The following B3GALT1 variants were observed in gnomAD, a reference collection of about 807,000 sequenced individuals.
B3GALT1 encodes UDP-Gal:betaGlcNAc beta 1,3-galactosyltransferase, polypeptide 1.
B3GALT1 carries 10 observed loss-of-function variants against 23.2 expected under a neutral mutation model. The observed-to-expected ratio is 0.43, with a 90% CI of 0.27 to 0.73. The LOEUF (loss-of-function observed/expected upper bound fraction) is 0.73, where lower values mean the gene tolerates loss of function less well. Ranked by LOEUF, B3GALT1 falls within the 30% of genes least tolerant of loss-of-function variation. The probability of loss-of-function intolerance (pLI) is 0.21; values close to 1 mark genes in which losing one functional copy is unlikely to be tolerated. For synonymous variants in B3GALT1, 156 were observed against 141.5 expected (o/e 1.10, Z -0.73); for missense variants, 299 against 405.4 (o/e 0.74, Z 2.25).
chr2:167,814,329 T>C (rs1688947979), intron 3 of B3GALT1, among the ~76,000 whole-genome samples: 1 of 152,162 alleles, frequency 6.6e-6, no homozygotes, highest in Non-Finnish European at 1.5e-5. Context: ...AAATCACTGA[T>C]AGCATGGCAG....
chr2:167,861,324 G>A (rs1206596311), intron 4 of B3GALT1, among the ~76,000 whole-genome samples: 2 of 152,078 alleles, frequency 1.3e-5, no homozygotes, highest in Non-Finnish European at 2.9e-5. Flanking sequence ...GTGTTTATTG[G>A]GATGTAACCC....
chr2:167,693,150 C>T (rs962478696), intron 3 of B3GALT1, among the ~76,000 whole-genome samples: 7 of 151,460 alleles, frequency 4.6e-5, no homozygotes, highest in East Asian at 3.9e-4. Context: ...CCCAAGGTCC[C>T]GGTGCAATAC....
At chr2:167,603,305 A>C (rs1301382472) in intron 2 of B3GALT1, among the ~76,000 whole-genome samples, 2 of 152,202 alleles carry the variant, frequency 1.3e-5, no homozygotes, top group Non-Finnish European at 2.9e-5. Flanking sequence ...CGCAAGAGTC[A>C]GAAGATACAG....
At chr2:167,547,207 A>G (rs1445876827) in intron 2 of B3GALT1, among the ~76,000 whole-genome samples, 1 of 152,194 alleles carries the variant, frequency 6.6e-6, no homozygotes, top group Non-Finnish European at 1.5e-5. Flanking sequence ...GAGCAGCCAC[A>G]TGTTTCAACA....
chr2:167,646,378 C>T (rs1685748723), intron 2 of B3GALT1, among the ~76,000 whole-genome samples: 1 of 152,162 alleles, frequency 6.6e-6, no homozygotes, highest in Non-Finnish European at 1.5e-5. Flanking sequence ...CAGTTCTTTC[C>T]TTGCGTGAAG....
chr2:167,538,558 C>G (rs931686966), intron 2 of B3GALT1, among the ~76,000 whole-genome samples: 1 of 152,146 alleles, frequency 6.6e-6, no homozygotes, highest in African/African-American at 2.4e-5. Flanking sequence ...CCTCTGTAGA[C>G]TTTAAAACAT....
At chr2:167,722,722 A>G (rs951690978) in intron 3 of B3GALT1, among the ~76,000 whole-genome samples, 1 of 152,218 alleles carries the variant, frequency 6.6e-6, no homozygotes, top group African/African-American at 2.4e-5. Context: ...TGGGAATCAT[A>G]TGCTTTAGGA....
At chr2:167,478,607 T>G (rs937080481) in intron 1 of B3GALT1, among the ~76,000 whole-genome samples, 2 of 152,072 alleles carry the variant, frequency 1.3e-5, no homozygotes, top group African/African-American at 2.4e-5. Flanking sequence ...AGGGTACATG[T>G]GCACAACGTG....
chr2:167,789,358 C>T (rs1688395719), intron 3 of B3GALT1, among the ~76,000 whole-genome samples: 1 of 152,106 alleles, frequency 6.6e-6, no homozygotes, highest in Admixed American at 6.5e-5. Flanking sequence ...GACTCTGTCA[C>T]TAATTATGTC....
intron 2 of B3GALT1, among the ~76,000 whole-genome samples, chr2:167,575,162 A>G (rs140834805): frequency 9.3e-4 from 142 of 151,948 alleles, no homozygotes; most frequent in African/African-American, 3.2e-3. Flanking sequence ...TAAGTAATAC[A>G]TGTAAATATG....
rs549462196 is a variant in B3GALT1, at chr2:167,476,415, G to A, written c.-510-13762G>A. 4.6e-5 allele frequency among the ~76,000 whole-genome samples: 7 copies of A among 152,262 alleles called. No individual in the cohort carries two copies. The South Asian group carries it at 1.5e-3, about 32-fold the overall frequency. On this transcript the variant is annotated intron_variant, in intron 1 of 4. Transcript: ENST00000392690. Reference sequence around the variant, plus strand: ...TTAGAAAATATCATATTTGCCCACTGGGTTGCAGCCTCAAGTCACATTTCA... The same window carrying A: ...TTAGAAAATATCATATTTGCCCACTAGGTTGCAGCCTCAAGTCACATTTCA...
At chr2:167,608,856 A>G (rs183898538) in intron 2 of B3GALT1, among the ~76,000 whole-genome samples, 41 of 152,250 alleles carry the variant, frequency 2.7e-4, no homozygotes, top group African/African-American at 9.4e-4. Context: ...CAGGTTTCTT[A>G]CCAAAAAGCC....
At chr2:167,342,106 G>T (rs1697155839) in intron 1 of B3GALT1, among the ~76,000 whole-genome samples, 1 of 152,036 alleles carries the variant, frequency 6.6e-6, no homozygotes, top group African/African-American at 2.4e-5. Flanking sequence ...GTCTTTGAAG[G>T]CATCCAAAGA....
intron 3 of B3GALT1, among the ~76,000 whole-genome samples, chr2:167,740,139 T>TAAATAAATAAATAAAA (rs1335112661): frequency 6.7e-6 from 1 of 149,512 alleles, no homozygotes; most frequent in South Asian, 2.1e-4. Flanking sequence ...AATAAATAAA[T>TAAATAAATAAATAAAA]AGAAAAGAAA....
intron 3 of B3GALT1, among the ~76,000 whole-genome samples, chr2:167,740,056 A>G (rs192627516): frequency 6.6e-5 from 10 of 151,602 alleles, no homozygotes; most frequent in Admixed American, 6.6e-4. Context: ...CCATGATTGC[A>G]CTGCCATACT....
intron 1 of B3GALT1, among the ~76,000 whole-genome samples, chr2:167,477,122 TCCTC>T (rs1699498694): frequency 6.6e-6 from 1 of 152,168 alleles, no homozygotes; most frequent in African/African-American, 2.4e-5. Flanking sequence ...TGTTTCAAAT[TCCTC>T]CCACTTATAA....
chr2:167,354,641 G>A (rs1049011317), intron 1 of B3GALT1, among the ~76,000 whole-genome samples: 3 of 151,998 alleles, frequency 2.0e-5, no homozygotes, highest in South Asian at 2.1e-4. Context: ...CACTTTGCCC[G>A]GCCAAATCTC....
At chr2:167,322,059 TCTC>T (rs1378426177) in intron 1 of B3GALT1, among the ~76,000 whole-genome samples, 1 of 152,040 alleles carries the variant, frequency 6.6e-6, no homozygotes, top group Admixed American at 6.5e-5. Flanking sequence ...GGTGAGACCT[TCTC>T]CTCTTGTGTA....
chr2:167,854,299 G>C (rs895956162), intron 4 of B3GALT1, among the ~76,000 whole-genome samples: 16 of 152,162 alleles, frequency 1.1e-4, no homozygotes, highest in African/African-American at 3.9e-4. Context: ...TAAGGAGAAA[G>C]GGACTTATCA....
Sources: gnomAD v4.1 joint callset for allele counts (sites outside exome capture counted in the v4.1 genomes callset) on GRCh38, gnomAD v4.1.1 for gene constraint, MANE v1.5 for transcripts, NCBI Gene and HGNC (gene_info 2026-07-23, HGNC 2026-07-21) for gene names.